The following NLGN3 variants were observed in gnomAD, a reference collection of about 807,000 sequenced individuals.
NLGN3 encodes the protein neuroligin 3.
A neutral mutation model predicts 42.9 loss-of-function variants in NLGN3; 11 were observed. That is an observed-to-expected ratio of 0.26 (90% CI 0.16 to 0.42). NLGN3 has a LOEUF of 0.42. Among genes scored for constraint, NLGN3 ranks in the 10% least tolerant of loss-of-function variants. The pLI, the probability that NLGN3 is intolerant of heterozygous loss-of-function variation, is 1.00. For missense variants in NLGN3, 374 were observed against 733.8 expected (o/e 0.51, Z 5.67); for synonymous variants, 279 against 312.7 (o/e 0.89, Z 1.14).
chrX:71,148,827 T>C lies in NLGN3; in HGVS notation c.458-19T>C. On this transcript the variant is annotated intron_variant, in intron 2 of 7. Transcript: ENST00000358741. ...GCAGAGGCCTCCTGTTATTTTTTAG[T>C]TTTTTATTCATTTTACAGTAAAGCG... 8.8e-7 allele frequency: 1 copy of C among 1,141,151 alleles called. No homozygotes were observed. The highest frequency in any genetic ancestry group is 2.1e-5 in the South Asian group (1 of 48,388). 94.0% of individuals were successfully genotyped at this position (1,141,151 alleles called of 1,213,427 possible). A position where few individuals can be genotyped will look rare whatever the true frequency, so the allele number is the denominator to read the frequency against.
chrX:71,164,248 A>AC lies in NLGN3; in HGVS notation c.838dup (p.Arg280ProfsTer62). 8.3e-7 allele frequency: 1 copy of AC among 1,209,375 alleles called. No individual in the cohort carries two copies. The highest frequency in any genetic ancestry group is 1.1e-6 in the Non-Finnish European group (1 of 894,373). ...GAGAATATTGCCTTCTTCGGGGGAG[A>AC]CCCCCGCCGGATCACTGTCTTTGGC... On this transcript the variant is annotated frameshift_variant, in exon 6 of 8. Coordinates refer to ENST00000358741, the MANE Select transcript of NLGN3 (RefSeq NM_181303.2). LOFTEE classifies it high-confidence loss of function.
At chrX:71,159,433 A>G (rs2092421790) in intron 5 of NLGN3, among the ~76,000 whole-genome samples, 1 of 112,440 alleles carries the variant, frequency 8.9e-6, no homozygotes, top group African/African-American at 3.2e-5. Flanking sequence ...CTCGCACTTG[A>G]CAGCCCCGTC....
At chrX:71,150,160 C>G (rs771478043) in intron 3 of NLGN3, among the ~76,000 whole-genome samples, 3 of 111,475 alleles carry the variant, frequency 2.7e-5, no homozygotes, top group Non-Finnish European at 3.8e-5. Flanking sequence ...ATACCCCACC[C>G]AGGACCTCAC....
At chrX:71,146,375 G>A (rs1057309170) in intron 1 of NLGN3, among the ~76,000 whole-genome samples, 1 of 107,674 alleles carries the variant, frequency 9.3e-6, no homozygotes, top group African/African-American at 3.5e-5. Context: ...GTGTGCGTGT[G>A]TGTGCGTGTG....
intron 1 of NLGN3, among the ~76,000 whole-genome samples, chrX:71,145,420 A>G (rs2147851718): frequency 1.0e-5 from 1 of 95,460 alleles, no homozygotes; most frequent in Non-Finnish European, 2.1e-5. Flanking sequence ...CCATCCCCCA[A>G]TCCATTCCAA....
intron 7 of NLGN3, among the ~76,000 whole-genome samples, chrX:71,168,859 AAGAAAGAAAG>A (rs1213797183): frequency 1.1e-5 from 1 of 89,004 alleles, no homozygotes; most frequent in Non-Finnish European, 2.0e-5. Context: ...GAAAGAAAGA[AAGAAAGAAAG>A]AGAAAGAAAA....
intron 5 of NLGN3, among the ~76,000 whole-genome samples, chrX:71,159,063 C>T (rs1005543053): frequency 1.2e-4 from 13 of 111,234 alleles, no homozygotes; most frequent in South Asian, 3.7e-4. Flanking sequence ...TGGTGGCTCA[C>T]GCCTGTAATC....
Position 71,169,272 on chromosome X carries a change from C to G in NLGN3, c.1722C>G (p.Val574=). Residue 574 remains valine, a synonymous_variant, in exon 8 of 8, where the codon GTC becomes GTG. Transcript: ENST00000358741. ...FAKTGDPNKP[V]PQDTKFIHTK... ...ATTTCAGGGATCCCAACAAGCCGGT[C>G]CCCCAGGACACCAAGTTCATTCACA... 1 of 1,211,244 alleles carries G rather than the reference C, an allele frequency of 8.3e-7. No individual in the cohort carries two copies. Among genetic ancestry groups the G allele is most frequent in the Non-Finnish European group, 1.1e-6 (1 of 895,270 alleles).
intron 3 of NLGN3, among the ~76,000 whole-genome samples, chrX:71,150,517 C>T (rs767120191): frequency 2.7e-5 from 3 of 109,777 alleles, no homozygotes; most frequent in Non-Finnish European, 3.8e-5. Context: ...CTGGCTAATA[C>T]GGCAAAACCC....
In NLGN3 at chrX:71,170,004, G is replaced by C. The variant is rs751708020; in HGVS notation, c.2454G>C (p.Leu818=). ...CCATCACTATGATCCCCAACTCCCT[G>C]GTAGGGCTGCAGACATTGCACCCCT... ...PNTITMIPNS[L]VGLQTLHPYN... The change falls in exon 8 of 8, where the codon CTG becomes CTC. Residue 818 remains leucine (L), a synonymous_variant. Transcript: ENST00000358741. 2.5e-6 allele frequency: 3 copies of C among 1,206,753 alleles called. No homozygotes were observed. The highest frequency in any genetic ancestry group is 3.4e-6 in the Non-Finnish European group (3 of 894,022).
At chrX:71,164,986 G>A (rs1289369329) in intron 6 of NLGN3, among the ~76,000 whole-genome samples, 2 of 111,578 alleles carry the variant, frequency 1.8e-5, no homozygotes, top group Admixed American at 9.5e-5. Flanking sequence ...GGCAGGAAAT[G>A]TTTTCTCCAC....
At chrX:71,151,926 T>C (rs1435689716) in intron 3 of NLGN3, among the ~76,000 whole-genome samples, 1 of 111,692 alleles carries the variant, frequency 9.0e-6, no homozygotes, top group African/African-American at 3.3e-5. Flanking sequence ...TGGCAGGTGT[T>C]GAGCTAATGT....
chrX:71,168,844 AG>A, intron 7 of NLGN3, among the ~76,000 whole-genome samples: 1 of 89,593 alleles, frequency 1.1e-5, no homozygotes, highest in Non-Finnish European at 2.0e-5. Context: ...AAAGAAAGAA[AG>A]AAAGAAAGAA....
In NLGN3 at chrX:71,167,477, C is replaced by T. The variant is rs1224747414; in HGVS notation, c.1380C>T (p.Asp460=). The change falls in exon 7 of 8, where the codon GAC becomes GAT. Residue 460 remains aspartate (D), a synonymous_variant. Coordinates refer to ENST00000358741, the MANE Select transcript of NLGN3 (RefSeq NM_181303.2). ...LRETIKFMYT[D]WADRDNPETR... is the part of the protein sequence containing the mutation. The stretch of plus-strand genomic sequence containing the variant: ...AGACCATCAAGTTCATGTATACAGA[C>T]TGGGCAGACCGTGACAACCCTGAGA... The T allele has an allele frequency of 1.7e-6, 2 of 1,211,112 alleles. No homozygotes were observed. The highest frequency in any genetic ancestry group is 2.2e-6 in the Non-Finnish European group (2 of 895,215).
At chrX:71,171,662 CA>C, downstream of NLGN3, 6 of 749,486 alleles carry the variant, frequency 8.0e-6, no homozygotes, top group Non-Finnish European at 7.8e-6. Flanking sequence ...AGTGCAGCGT[CA>C]GACGTGGACT....
chrX:71,167,594 G>A lies in NLGN3; in HGVS notation c.1497G>A (p.Ser499=), dbSNP rs770250321. The A allele has an allele frequency of 5.0e-6, 6 of 1,204,881 alleles. No individual in the cohort carries two copies. The highest frequency in any genetic ancestry group is 2.2e-5 in the Admixed American group (1 of 44,710). The change falls in exon 7 of 8, where the codon TCG becomes TCA. Residue 499 remains serine (S), a synonymous_variant. Coordinates refer to ENST00000358741, the MANE Select transcript of NLGN3 (RefSeq NM_181303.2). The part of the protein sequence containing the change: ...VTADLHARYG[S]PTYFYAFYHH... The stretch of plus-strand genomic sequence containing the variant: ...CCGATCTGCATGCCCGCTACGGCTC[G>A]CCTACCTACTTCTACGCCTTCTATC...
chrX:71,147,477 C>T, intron 1 of NLGN3, 73 bp from the exon 2 acceptor site: 1 of 424,222 alleles, frequency 2.4e-6, no homozygotes, highest in Non-Finnish European at 4.1e-6. Flanking sequence ...CCAAGCCCAG[C>T]AGGGCCCCCA....
In NLGN3 at chrX:71,145,810, G is replaced by A. The variant is rs1156588540; in HGVS notation, c.-201+846G>A. 1.1e-3 allele frequency among the ~76,000 whole-genome samples: 107 copies of A among 100,409 alleles called. 1 individual carries two copies. The highest frequency in any genetic ancestry group is 1.0e-3 in the East Asian group (3 of 2,993). 87.2% of individuals were successfully genotyped at this position (100,409 alleles called of 115,157 possible). ...GGGGCAGCACCGAGGGGGTTAATGT[G>A]GGGGGGTTGCTGGTGGGGAAGCTGT... On this transcript the variant is annotated intron_variant, in intron 1 of 7. Transcript: ENST00000358741.
chrX:71,150,701 C>CAAAAAAAAA (rs1174331159), intron 3 of NLGN3, among the ~76,000 whole-genome samples: 3 of 29,033 alleles, frequency 1.0e-4, no homozygotes, highest in Non-Finnish European at 1.3e-4. Context: ...GACTCCATCT[C>CAAAAAAAAA]AAAAAAAAAA....
Sources: allele counts gnomAD v4.1 joint callset (sites outside exome capture counted in the v4.1 genomes callset), GRCh38; gene constraint gnomAD v4.1.1; transcripts MANE v1.5; gene names NCBI Gene and HGNC (gene_info 2026-07-23, HGNC 2026-07-21).